Variants in SPAG16 observed in about 807,000 individuals in gnomAD.
SPAG16 encodes the protein sperm associated antigen 16, also known as sperm-associated antigen 16 protein.
In SPAG16, 86 loss-of-function variants were observed where a neutral mutation model predicts 80.4. The ratio of observed to expected loss-of-function variants is 1.07; its 90% CI spans 0.90 to 1.28. The LOEUF is 1.28. Ranked by LOEUF, SPAG16 falls within the 50% of genes most tolerant of loss-of-function variation. SPAG16 has a pLI of 0.00. For missense variants in SPAG16, 870 were observed against 765.3 expected, an observed-to-expected ratio of 1.14 and a Z score of -1.61; for synonymous variants, 294 against 265.9, an observed-to-expected ratio of 1.11 and a Z score of -1.03.
intron 15 of SPAG16, among the ~76,000 whole-genome samples, chr2:214,308,208 ACTC>A (rs1369071795): frequency 6.6e-6 from 1 of 150,720 alleles, no homozygotes; most frequent in Admixed American, 6.6e-5. Flanking sequence ...TAGGATTGCA[ACTC>A]CTCCTTTTGT....
At chr2:214,373,193 C>T (rs1034435430) in intron 15 of SPAG16, among the ~76,000 whole-genome samples, 1 of 152,046 alleles carries the variant, frequency 6.6e-6, no homozygotes, top group South Asian at 2.1e-4. Context: ...AACTATAATA[C>T]TGAGGAATTT....
Position 213,399,835 on chromosome 2 carries a change from G to T in SPAG16, c.942+24716G>T, listed in dbSNP as rs139905151. 8.5e-4 allele frequency among the ~76,000 whole-genome samples: 129 copies of T among 152,032 alleles called. 1 individual carries two copies. Among genetic ancestry groups the T allele is most frequent in the African/African-American group, 3.0e-3 (123 of 41,516 alleles). On this transcript the variant is annotated intron_variant, in intron 9 of 15. Coordinates refer to ENST00000331683, the MANE Select transcript of SPAG16 (RefSeq NM_024532.5). ...CAGATTTCTTTGTAATGTAATAGAA[G>T]TTATTTCTTCCTTAATCAATTTTTA...
At chr2:214,042,007 T>TAC (rs78420814) in intron 13 of SPAG16, among the ~76,000 whole-genome samples, 268 of 101,184 alleles carry the variant, frequency 2.6e-3, no homozygotes, top group Non-Finnish European at 4.0e-3. Flanking sequence ...TATATATATA[T>TAC]ACACACACAC....
intron 9 of SPAG16, among the ~76,000 whole-genome samples, chr2:213,469,941 C>T (rs2072983760): frequency 6.6e-6 from 1 of 152,114 alleles, no homozygotes; most frequent in South Asian, 2.1e-4. Flanking sequence ...AAGCATTCCC[C>T]TCTCTAGAAC....
At chr2:214,047,265 A>G (rs2372220) in intron 13 of SPAG16, among the ~76,000 whole-genome samples, 152,220 of 152,248 alleles carry the variant, frequency 1, 76,096 homozygotes, top group Non-Finnish European at 1. Context: ...TGGAGGAATC[A>G]CATTACCTGA....
intron 11 of SPAG16, among the ~76,000 whole-genome samples, chr2:213,899,819 A>G (rs2077144225): frequency 6.6e-6 from 1 of 152,078 alleles, no homozygotes; most frequent in Non-Finnish European, 1.5e-5. Flanking sequence ...TGCAATAAAG[A>G]GGTTTTTTTC....
chr2:213,489,259 T>C (rs2074134391), intron 9 of SPAG16, among the ~76,000 whole-genome samples: 1 of 152,120 alleles, frequency 6.6e-6, no homozygotes, highest in South Asian at 2.1e-4. Flanking sequence ...AATTACTCTA[T>C]CCTTCATTAT....
chr2:214,070,368 G>C (rs2050731950), intron 13 of SPAG16, among the ~76,000 whole-genome samples: 1 of 151,684 alleles, frequency 6.6e-6, no homozygotes, highest in Non-Finnish European at 1.5e-5. Context: ...AATTCATTTT[G>C]GCATATGGTA....
intron 10 of SPAG16, among the ~76,000 whole-genome samples, chr2:213,773,896 T>C (rs1007723044): frequency 6.6e-6 from 1 of 152,170 alleles, no homozygotes; most frequent in Admixed American, 6.5e-5. Flanking sequence ...TAGACTCTTG[T>C]CTATCTGGTC....
chr2:213,781,141 C>G (rs2069937475), intron 10 of SPAG16, among the ~76,000 whole-genome samples: 1 of 152,154 alleles, frequency 6.6e-6, no homozygotes, highest in African/African-American at 2.4e-5. Context: ...TTGAGCATGT[C>G]TTCCTCTTGG....
At chr2:213,447,255 C>G (rs2071375483) in intron 9 of SPAG16, among the ~76,000 whole-genome samples, 1 of 152,174 alleles carries the variant, frequency 6.6e-6, no homozygotes, top group Non-Finnish European at 1.5e-5. Context: ...AGGTTCAGCT[C>G]ATTTTTTCCC....
chr2:214,148,827 A>G (rs2112016), intron 14 of SPAG16, among the ~76,000 whole-genome samples: 148,519 of 151,914 alleles, frequency 0.98, 72,676 homozygotes, highest in East Asian at 1. Flanking sequence ...TACATCTTCT[A>G]ATGTAGTTAA....
At chr2:213,580,943 TTAAG>T (rs2060278714) in intron 10 of SPAG16, among the ~76,000 whole-genome samples, 1 of 152,106 alleles carries the variant, frequency 6.6e-6, no homozygotes, top group South Asian at 2.1e-4. Flanking sequence ...ACTTTTGTAA[TTAAG>T]TAAGCCTATA....
At chr2:213,940,141 C>A (rs1178257613) in intron 12 of SPAG16, among the ~76,000 whole-genome samples, 1 of 151,950 alleles carries the variant, frequency 6.6e-6, no homozygotes, top group Non-Finnish European at 1.5e-5. Context: ...TATATAACAG[C>A]CATAACTACC....
intron 15 of SPAG16, among the ~76,000 whole-genome samples, chr2:214,321,962 C>T (rs960886272): frequency 6.6e-6 from 1 of 152,278 alleles, no homozygotes; most frequent in East Asian, 1.9e-4. Context: ...TTTGTACATA[C>T]ATTATTGTTT....
chr2:214,133,312 A>G (rs1193489956), intron 14 of SPAG16, among the ~76,000 whole-genome samples: 5 of 152,078 alleles, frequency 3.3e-5, no homozygotes, highest in African/African-American at 1.2e-4. Context: ...GTCTCTGGAC[A>G]TTGCCAGAAG....
intron 6 of SPAG16, among the ~76,000 whole-genome samples, chr2:213,348,395 TA>T (rs1285047487): frequency 6.6e-6 from 1 of 152,176 alleles, no homozygotes; most frequent in African/African-American, 2.4e-5. Context: ...TTAATATTCT[TA>T]TGTGTGAATT....
At chr2:213,841,978 A>C (rs2125757264) in intron 10 of SPAG16, among the ~76,000 whole-genome samples, 1 of 152,204 alleles carries the variant, frequency 6.6e-6, no homozygotes, top group East Asian at 1.9e-4. Context: ...CTTCCTACTA[A>C]ATGATTTTTA....
intron 10 of SPAG16, among the ~76,000 whole-genome samples, chr2:213,752,531 G>A (rs766644082): frequency 7.9e-5 from 12 of 152,042 alleles, no homozygotes; most frequent in Non-Finnish European, 1.8e-4. Flanking sequence ...TAGTGAGATC[G>A]GAAAATAAAG....
Sources: gnomAD v4.1 joint callset for allele counts (sites outside exome capture counted in the v4.1 genomes callset) on GRCh38, gnomAD v4.1.1 for gene constraint, MANE v1.5 for transcripts, NCBI Gene and HGNC (gene_info 2026-07-23, HGNC 2026-07-21) for gene names.